Variants in ZNF84 observed in about 807,000 individuals in gnomAD.
ZNF84 encodes zinc finger protein 84, also known as zinc finger protein HPF2.
ZNF84 carries 12 observed loss-of-function variants against 14.8 expected under a neutral mutation model. The observed-to-expected ratio is 0.81, with a 90% CI of 0.52 to 1.31. The LOEUF (loss-of-function observed/expected upper bound fraction) is 1.31. ZNF84 is among the 50% of genes most tolerant of loss of function. The pLI is 0.00. For synonymous variants in ZNF84, 347 were observed against 291.1 expected, an observed-to-expected ratio of 1.19 and a Z score of -1.96; for missense variants, 859 against 878.6, an observed-to-expected ratio of 0.98 and a Z score of 0.28.
chr12:133,060,543 A>G lies in ZNF84; in HGVS notation c.*1611A>G, dbSNP rs1455282705. ...ACATTCTCAGAACACATTCTAATGC[A>G]TCATCTATTTTATAAAAAGGTGTTG... On this transcript the variant is annotated 3_prime_UTR_variant, in exon 5 of 5. Transcript: ENST00000539354. 2.0e-5 allele frequency: 3 copies of G among 152,338 alleles called. No homozygotes were observed. The East Asian group carries it at 5.8e-4, about 29-fold the overall frequency. 9.4% of individuals were successfully genotyped at this position (152,338 alleles called of 1,614,324 possible). A position where few individuals can be genotyped will look rare whatever the true frequency, so the allele number is the denominator to read the frequency against.
intron 2 of ZNF84, among the ~76,000 whole-genome samples, chr12:133,043,960 C>T (rs1953933045): frequency 6.7e-6 from 1 of 150,226 alleles, no homozygotes. Flanking sequence ...GATGGGGTTT[C>T]ACCATATTGG....
chr12:133,039,610 G>T (rs1175557318), intron 1 of ZNF84, among the ~76,000 whole-genome samples: 3 of 152,108 alleles, frequency 2.0e-5, no homozygotes, highest in Non-Finnish European at 4.4e-5. Context: ...TTAGTATATT[G>T]TCTCACATAC....
At chr12:133,053,359 T>C (rs1954102493) in intron 4 of ZNF84, among the ~76,000 whole-genome samples, 1 of 152,236 alleles carries the variant, frequency 6.6e-6, no homozygotes, top group African/African-American at 2.4e-5. Flanking sequence ...TGAATGTAAG[T>C]TTAATTTATA....
intron 4 of ZNF84, among the ~76,000 whole-genome samples, chr12:133,055,730 A>G (rs1398770618): frequency 6.6e-6 from 1 of 152,232 alleles, no homozygotes; most frequent in East Asian, 1.9e-4. Context: ...TGATAAATTC[A>G]ACACCTATGA....
chr12:133,057,242 G>T lies in ZNF84; in HGVS notation c.527G>T (p.Trp176Leu). ...TCCAAGCCTGAGGATACTGATACCT[G>T]GTTAAAATACTATGACTGTGATAAA... ...LHSKPEDTDT[W>L]LKYYDCDKYK... The change falls in exon 5 of 5, where the codon TGG becomes TTG. Residue 176 changes from tryptophan to leucine, a missense_variant. Physicochemically the swap from Trp to Leu is moderately conservative, Grantham distance 61. Coordinates refer to ENST00000539354, the MANE Select transcript of ZNF84 (RefSeq NM_001289971.2). The T allele has an allele frequency of 6.2e-7, 1 of 1,613,868 alleles. No homozygotes were observed. Among genetic ancestry groups the T allele is most frequent in the South Asian group, 1.1e-5 (1 of 91,016 alleles).
chr12:133,043,380 G>A (rs904015491), intron 2 of ZNF84, among the ~76,000 whole-genome samples: 4 of 152,170 alleles, frequency 2.6e-5, no homozygotes, highest in African/African-American at 7.2e-5. Context: ...GCCCAGGCTG[G>A]TCGCGAACTC....
At position 133,054,868 on chromosome 12, in the gene ZNF84, A is replaced by G. The variant is rs1954127334; in HGVS notation, c.239-2086A>G. Among the ~76,000 whole-genome samples the G allele has an allele frequency of 2.1e-4, 32 of 152,254 alleles. No individual in the cohort carries two copies. In the South Asian group the frequency reaches 6.6e-3, roughly 32 times the overall value. ...GTACCTAACACATTATATGAGCCAA[A>G]TACTAACTACTGCTCCAAACTATCT... On this transcript the variant is annotated intron_variant, in intron 4 of 4. Coordinates refer to ENST00000539354, the MANE Select transcript of ZNF84 (RefSeq NM_001289971.2).
chr12:133,039,966 C>T (rs1953857825), intron 1 of ZNF84, among the ~76,000 whole-genome samples: 1 of 151,738 alleles, frequency 6.6e-6, no homozygotes, highest in Non-Finnish European at 1.5e-5. Flanking sequence ...GCCTCAGCCT[C>T]CCAAGTAGCT....
At chr12:133,051,088 T>G (rs1343165731) in intron 4 of ZNF84, among the ~76,000 whole-genome samples, 1 of 147,240 alleles carries the variant, frequency 6.8e-6, no homozygotes, top group Non-Finnish European at 1.5e-5. Context: ...TGCCTGTGTT[T>G]TGTTTGTTTT....
Position 133,047,957 on chromosome 12 carries a change from G to A in ZNF84, c.18G>A (p.Glu6=), listed in dbSNP as rs1954011022. 1.2e-6 allele frequency: 2 copies of A among 1,613,704 alleles called. No homozygotes were observed. Among genetic ancestry groups the A allele is most frequent in the African/African-American group, 1.3e-5 (1 of 74,908 alleles). The change falls in exon 3 of 5, where the codon GAG becomes GAA. Residue 6 remains glutamate (E), a splice_region_variant and synonymous_variant. Coordinates refer to ENST00000539354, the MANE Select transcript of ZNF84 (RefSeq NM_001289971.2). Reference sequence around the variant, plus strand: ...TTACCAGGATTGTGCTCTTACAGGAGTCATTCTCATTTGACGATTTATCTG... The same window carrying A: ...TTACCAGGATTGTGCTCTTACAGGAATCATTCTCATTTGACGATTTATCTG... The part of the protein sequence containing the change: MTMLQ[E]SFSFDDLSVD...
At chr12:133,048,241 A>C (rs1197047634) in intron 3 of ZNF84, 160 bp downstream of exon 3, 1 of 603,288 alleles carries the variant, frequency 1.7e-6, no homozygotes, top group African/African-American at 1.8e-5. Context: ...TGACACCAAG[A>C]AAGTATTTGG....
chr12:133,041,142 C>A, intron 1 of ZNF84, 136 bp from the exon 2 acceptor site: 1 of 344,756 alleles, frequency 2.9e-6, no homozygotes, highest in South Asian at 1.1e-4. Flanking sequence ...ATTCTGTTTC[C>A]CTGAGAGTGC....
At chr12:133,042,935 A>G (rs1003652818) in intron 2 of ZNF84, among the ~76,000 whole-genome samples, 2 of 152,068 alleles carry the variant, frequency 1.3e-5, no homozygotes, top group African/African-American at 2.4e-5. Context: ...AGTCGTCACA[A>G]CCTCTTCCTC....
rs1290317247 is a variant in ZNF84, at chr12:133,046,726, A to G, written c.16-1229A>G. Among the ~76,000 whole-genome samples the G allele has an allele frequency of 3.3e-5, 5 of 151,000 alleles. No individual in the cohort carries two copies. In the South Asian group the frequency reaches 6.2e-4, roughly 19 times the overall value. On this transcript the variant is annotated intron_variant, in intron 2 of 4. Coordinates refer to ENST00000539354, the MANE Select transcript of ZNF84 (RefSeq NM_001289971.2). ...ACTCAAGCTGCAGTGCAGTGGTGCA[A>G]TCACAGCTCACTGACGCCTCGACCT...
At chr12:133,056,443 C>T (rs1276615811) in intron 4 of ZNF84, among the ~76,000 whole-genome samples, 7 of 151,982 alleles carry the variant, frequency 4.6e-5, no homozygotes, top group Middle Eastern at 3.4e-3. Context: ...TTAGTAGAGA[C>T]GGGGTTTCAC....
intron 2 of ZNF84, among the ~76,000 whole-genome samples, chr12:133,042,734 C>G (rs1297784474): frequency 1.3e-5 from 2 of 152,198 alleles, no homozygotes; most frequent in Non-Finnish European, 2.9e-5. Flanking sequence ...AATGCCAGAG[C>G]AGGACTTCAT....
rs1051618959 is a variant in ZNF84 at position 133,042,350 on chromosome 12, G to T, written c.15+868G>T. 1.1e-3 allele frequency among the ~76,000 whole-genome samples: 174 copies of T among 152,324 alleles called. 1 individual carries two copies. The highest frequency in any genetic ancestry group is 4.0e-3 in the African/African-American group (167 of 41,584). On this transcript the variant is annotated intron_variant, in intron 2 of 4. Transcript: ENST00000539354. ...TAAGAACAAATCTATTCATGAAATT[G>T]TGAAGAAGGAAAAATAAATACATGC...
chr12:133,051,891 A>G (rs1954075945), intron 4 of ZNF84, among the ~76,000 whole-genome samples: 1 of 152,170 alleles, frequency 6.6e-6, no homozygotes, highest in South Asian at 2.1e-4. Context: ...GCTCTTTTCT[A>G]TCTAGACTAC....
intron 2 of ZNF84, among the ~76,000 whole-genome samples, chr12:133,046,879 T>C (rs1953988300): frequency 9.8e-6 from 1 of 101,526 alleles, no homozygotes; most frequent in Admixed American, 9.4e-5. Flanking sequence ...ATTATATATA[T>C]TTATATATTA....
Sources: allele counts gnomAD v4.1 joint callset (sites outside exome capture counted in the v4.1 genomes callset), GRCh38; gene constraint gnomAD v4.1.1; transcripts MANE v1.5; gene names NCBI Gene and HGNC (gene_info 2026-07-23, HGNC 2026-07-21).